Variants in PDLIM5 observed in about 807,000 individuals in gnomAD.
PDLIM5 encodes the protein PDZ and LIM domain protein 5.
Under a neutral mutation model 64.2 loss-of-function variants are expected in PDLIM5, and 34 were observed. That is an observed-to-expected ratio of 0.53 (90% CI 0.40 to 0.71). PDLIM5 has a LOEUF of 0.71. Ranked by LOEUF, PDLIM5 falls within the 30% of genes least tolerant of loss-of-function variation. The pLI is 0.00. For missense variants in PDLIM5, 683 were observed against 733.6 expected, an observed-to-expected ratio of 0.93 and a Z score of 0.80; for synonymous variants, 253 against 269.1, an observed-to-expected ratio of 0.94 and a Z score of 0.59.
chr4:94,665,757 G>T lies in PDLIM5; in HGVS notation c.*1690G>T. The T allele has an allele frequency of 4.0e-6, 5 of 1,238,190 alleles. No homozygotes were observed. The highest frequency in any genetic ancestry group is 5.0e-6 in the Non-Finnish European group (5 of 990,598). 76.7% of individuals were successfully genotyped at this position (1,238,190 alleles called of 1,614,324 possible). A position where few individuals can be genotyped will look rare whatever the true frequency, so the allele number is the denominator to read the frequency against. On this transcript the variant is annotated 3_prime_UTR_variant, in exon 13 of 13. Transcript: ENST00000317968. ...GGATGTGATGAAATTGAGACTTTTT[G>T]TGGTTTTCTCTCAATAATAAGTGAA...
intron 2 of PDLIM5, among the ~76,000 whole-genome samples, chr4:94,522,468 C>T (rs532758141): frequency 5.9e-5 from 9 of 152,132 alleles, no homozygotes; most frequent in Non-Finnish European, 2.9e-5. Flanking sequence ...CTCTGCCTCC[C>T]GGGTTCAAGC....
intron 8 of PDLIM5, among the ~76,000 whole-genome samples, chr4:94,627,531 A>G (rs1739797155): frequency 6.6e-6 from 1 of 152,220 alleles, no homozygotes; most frequent in African/African-American, 2.4e-5. Context: ...GTTTAAACCA[A>G]AGTTTGGCAA....
At chr4:94,576,542 G>T (rs1369962908) in intron 5 of PDLIM5, among the ~76,000 whole-genome samples, 2 of 152,218 alleles carry the variant, frequency 1.3e-5, no homozygotes, top group East Asian at 1.9e-4. Flanking sequence ...TTAGCTTAGA[G>T]CAGAGAGCTA....
intron 5 of PDLIM5, 39 bp from the exon 6 acceptor site, chr4:94,585,526 C>A: frequency 1.5e-6 from 2 of 1,303,868 alleles, no homozygotes; most frequent in Non-Finnish European, 2.1e-6. Flanking sequence ...TTTAATATAA[C>A]TTTACAATTT....
intron 2 of PDLIM5, among the ~76,000 whole-genome samples, chr4:94,461,686 C>G (rs1248055860): frequency 6.6e-6 from 1 of 151,960 alleles, no homozygotes; most frequent in African/African-American, 2.4e-5. Context: ...ATGTTGTCAC[C>G]CATTTTTTAT....
At chr4:94,543,582 TC>T (rs1472930707) in intron 3 of PDLIM5, among the ~76,000 whole-genome samples, 1 of 152,050 alleles carries the variant, frequency 6.6e-6, no homozygotes, top group Non-Finnish European at 1.5e-5. Context: ...GACCAACATC[TC>T]CCCAGCCCAC....
At chr4:94,566,930 G>T (rs1342814906) in intron 3 of PDLIM5, among the ~76,000 whole-genome samples, 2 of 152,146 alleles carry the variant, frequency 1.3e-5, no homozygotes, top group Non-Finnish European at 2.9e-5. Context: ...TTTTGAATAT[G>T]GTTCTGTTAT....
chr4:94,653,401 G>A (rs1253475869), intron 9 of PDLIM5, among the ~76,000 whole-genome samples: 1 of 152,108 alleles, frequency 6.6e-6, no homozygotes, highest in Non-Finnish European at 1.5e-5. Flanking sequence ...ATAAATTAGT[G>A]TGATATAGCT....
chr4:94,536,696 TAGTG>T (rs1243580329), intron 3 of PDLIM5, among the ~76,000 whole-genome samples: 1 of 152,192 alleles, frequency 6.6e-6, no homozygotes, highest in Non-Finnish European at 1.5e-5. Context: ...TACAAGTTAT[TAGTG>T]AGGTAAATAG....
rs375931613 is a variant in PDLIM5, at chr4:94,640,319, A to T, written c.1152A>T (p.Gly384=). The T allele has an allele frequency of 2.3e-5, 37 of 1,611,564 alleles. No individual in the cohort carries two copies. The highest frequency in any genetic ancestry group is 1.6e-4 in the Middle Eastern group (1 of 6,078). The change falls in exon 9 of 13, where the codon GGA becomes GGT. Residue 384 remains glycine, a synonymous_variant. Transcript: ENST00000317968. ...TCTCAAACAGCGCTACTTACTCAGG[A>T]TCAGTGGCACCAGCCAACTCAGCTT... ...GRISNSATYS[G]SVAPANSALG... is the part of the protein sequence containing the mutation.
chr4:94,476,135 C>T (rs565562825), intron 2 of PDLIM5, among the ~76,000 whole-genome samples: 50 of 152,190 alleles, frequency 3.3e-4, no homozygotes, highest in African/African-American at 1.2e-3. Flanking sequence ...AGTATGGATG[C>T]ACTTGATAAT....
At chr4:94,566,083 T>G (rs930808650) in intron 3 of PDLIM5, among the ~76,000 whole-genome samples, 3 of 152,188 alleles carry the variant, frequency 2.0e-5, no homozygotes, top group Admixed American at 2.0e-4. Context: ...TTTACCAAAG[T>G]TATTTTATAA....
intron 3 of PDLIM5, among the ~76,000 whole-genome samples, chr4:94,572,877 T>A (rs1444657514): frequency 6.6e-6 from 1 of 152,240 alleles, no homozygotes; most frequent in Non-Finnish European, 1.5e-5. Flanking sequence ...TCAACTAGAA[T>A]GTATTCAGCA....
chr4:94,581,598 A>C (rs1242554676), intron 5 of PDLIM5, among the ~76,000 whole-genome samples: 1 of 152,158 alleles, frequency 6.6e-6, no homozygotes, highest in Non-Finnish European at 1.5e-5. Flanking sequence ...TGAGTTTATG[A>C]AACTGATTTT....
chr4:94,602,625 A>T (rs550633323), intron 7 of PDLIM5, among the ~76,000 whole-genome samples: 2 of 151,882 alleles, frequency 1.3e-5, no homozygotes, highest in African/African-American at 4.8e-5. Flanking sequence ...GCTAATTTTT[A>T]TATTTTTTTT....
chr4:94,573,203 A>G (rs1734953002), intron 3 of PDLIM5, 148 bp from the exon 4 acceptor site: 1 of 638,480 alleles, frequency 1.6e-6, no homozygotes, highest in Non-Finnish European at 2.7e-6. Flanking sequence ...AAGATTGTGA[A>G]TAGTAAAAAC....
At chr4:94,663,947 T>A (rs2110512767) in intron 12 of PDLIM5, 31 bp from the exon 13 acceptor site, 1 of 1,585,702 alleles carries the variant, frequency 6.3e-7, no homozygotes, top group South Asian at 1.1e-5. Flanking sequence ...TCCTCTTAAA[T>A]AATATCTCTT....
At chr4:94,531,191 T>C (rs998253450) in intron 3 of PDLIM5, among the ~76,000 whole-genome samples, 2 of 152,210 alleles carry the variant, frequency 1.3e-5, no homozygotes, top group Non-Finnish European at 2.9e-5. Context: ...TCTTTGCTTA[T>C]TTGTTTTTAA....
At chr4:94,641,243 A>G (rs1437664566) in intron 9 of PDLIM5, among the ~76,000 whole-genome samples, 1 of 152,176 alleles carries the variant, frequency 6.6e-6, no homozygotes, top group African/African-American at 2.4e-5. Flanking sequence ...AATTTATCCT[A>G]CTTTGAAATA....
Sources: allele counts gnomAD v4.1 joint callset (sites outside exome capture counted in the v4.1 genomes callset), GRCh38; gene constraint gnomAD v4.1.1; transcripts MANE v1.5; gene names NCBI Gene and HGNC (gene_info 2026-07-23, HGNC 2026-07-21).